ASTN2: variants seen among roughly 807,000 people sequenced by gnomAD.
ASTN2 encodes the protein astrotactin 2.
ASTN2 carries 54 observed loss-of-function variants against 139.8 expected under a neutral mutation model. The ratio of observed to expected loss-of-function variants is 0.39; its 90% CI spans 0.31 to 0.48. ASTN2 has a LOEUF of 0.48. ASTN2 is among the 20% of genes least tolerant of loss of function. The probability of loss-of-function intolerance (pLI) is 0.95; values close to 1 mark genes in which losing one functional copy is unlikely to be tolerated. For missense variants in ASTN2, 1,565 were observed against 1,725.1 expected, an observed-to-expected ratio of 0.91 and a Z score of 1.64; for synonymous variants, 756 against 719.5, an observed-to-expected ratio of 1.05 and a Z score of -0.81.
At chr9:116,887,091 A>T (rs986371805) in intron 10 of ASTN2, among the ~76,000 whole-genome samples, 3 of 152,282 alleles carry the variant, frequency 2.0e-5, no homozygotes, top group Non-Finnish European at 4.4e-5. Context: ...TATTGTGAAT[A>T]ATGTGCTAAG....
intron 7 of ASTN2, among the ~76,000 whole-genome samples, chr9:116,993,876 A>ATATTTTTTT (rs1030120382): frequency 4.2e-5 from 6 of 142,058 alleles, no homozygotes; most frequent in African/African-American, 1.5e-4. Flanking sequence ...ATATATATAT[A>ATATTTTTTT]TTTTAACTAT....
At chr9:116,464,451 G>A (rs12057009) in intron 20 of ASTN2, among the ~76,000 whole-genome samples, 5,304 of 152,184 alleles carry the variant, frequency 0.035, 318 homozygotes, top group South Asian at 0.21. Context: ...TGTTACTAGT[G>A]TCCTGGAATC....
chr9:116,720,890 G>T (rs568690246), intron 16 of ASTN2, among the ~76,000 whole-genome samples: 1 of 152,182 alleles, frequency 6.6e-6, no homozygotes, highest in East Asian at 1.9e-4. Flanking sequence ...ACTCACTGAG[G>T]CCCCTCCCAA....
intron 3 of ASTN2, among the ~76,000 whole-genome samples, chr9:117,151,791 A>G (rs1830331791): frequency 6.6e-6 from 1 of 152,150 alleles, no homozygotes; most frequent in Non-Finnish European, 1.5e-5. Flanking sequence ...TGTTACCAAG[A>G]GAATTCATCT....
At chr9:116,895,768 G>A (rs1833865470) in intron 10 of ASTN2, among the ~76,000 whole-genome samples, 1 of 152,122 alleles carries the variant, frequency 6.6e-6, no homozygotes, top group South Asian at 2.1e-4. Context: ...AGCAGAGGGA[G>A]GAGAAACATA....
At chr9:117,332,072 A>G (rs1828728344) in intron 1 of ASTN2, among the ~76,000 whole-genome samples, 1 of 152,144 alleles carries the variant, frequency 6.6e-6, no homozygotes, top group African/African-American at 2.4e-5. Flanking sequence ...GCTCCCCACC[A>G]CCAAGGAAAT....
chr9:117,093,746 C>G (rs758576239), intron 5 of ASTN2, among the ~76,000 whole-genome samples: 1 of 152,210 alleles, frequency 6.6e-6, no homozygotes, highest in Non-Finnish European at 1.5e-5. Context: ...CAAATTCACT[C>G]TCTGTATTCA....
At chr9:117,051,914 T>A (rs947027308) in intron 5 of ASTN2, among the ~76,000 whole-genome samples, 4 of 151,858 alleles carry the variant, frequency 2.6e-5, no homozygotes, top group African/African-American at 9.7e-5. Flanking sequence ...AACCAATACC[T>A]CCTGGAAAAA....
At chr9:116,769,196 C>A (rs1468842736) in intron 13 of ASTN2, among the ~76,000 whole-genome samples, 2 of 152,162 alleles carry the variant, frequency 1.3e-5, no homozygotes, top group Non-Finnish European at 2.9e-5. Context: ...GTGTACTATA[C>A]AGAGAAGTCA....
chr9:117,245,057 G>A (rs1052175227), intron 2 of ASTN2, among the ~76,000 whole-genome samples: 7 of 151,984 alleles, frequency 4.6e-5, no homozygotes, highest in African/African-American at 1.4e-4. Context: ...GTAGAAGGTG[G>A]CTAAAGCATT....
intron 10 of ASTN2, among the ~76,000 whole-genome samples, chr9:116,905,785 G>A (rs567676738): frequency 7.0e-6 from 1 of 142,562 alleles, no homozygotes; most frequent in African/African-American, 2.6e-5. Context: ...CTTAAGGGTA[G>A]ACCTCCAATA....
intron 1 of ASTN2, among the ~76,000 whole-genome samples, chr9:117,320,855 T>G (rs184946904): frequency 3.3e-5 from 5 of 152,290 alleles, no homozygotes; most frequent in Middle Eastern, 3.4e-3. Context: ...GATTTCCACT[T>G]TGCATCCCAG....
intron 8 of ASTN2, among the ~76,000 whole-genome samples, chr9:116,976,417 T>C (rs1464547455): frequency 2.6e-5 from 4 of 152,252 alleles, no homozygotes; most frequent in African/African-American, 9.6e-5. Context: ...GTTCTTCTTT[T>C]CTTTGGCAGT....
Position 117,151,896 on chromosome 9 carries a change from T to C in ASTN2, c.1016-10418A>G, listed in dbSNP as rs551675091. 4.6e-5 allele frequency among the ~76,000 whole-genome samples: 7 copies of C among 152,284 alleles called. No homozygotes were observed. In the South Asian group the frequency reaches 1.5e-3, roughly 32 times the overall value. On this transcript the variant is annotated intron_variant, in intron 3 of 22. Coordinates refer to ENST00000313400, the MANE Select transcript of ASTN2 (RefSeq NM_001365068.1). ...ATTCCACTTCTTTTCATAGCCCTAC[T>C]GCCTGGCCCCACTCTCCTTTCTGAC... is the stretch of plus-strand genomic sequence containing the variant.
intron 17 of ASTN2, among the ~76,000 whole-genome samples, chr9:116,636,241 A>G (rs1857068264): frequency 6.6e-6 from 1 of 152,230 alleles, no homozygotes; most frequent in Non-Finnish European, 1.5e-5. Context: ...GGCACTAAAT[A>G]TAGAAGCTAT....
At chr9:116,565,388 C>CTCTCTATAT (rs1564120372) in intron 19 of ASTN2, among the ~76,000 whole-genome samples, 1 of 34,018 alleles carries the variant, frequency 2.9e-5, no homozygotes, top group Non-Finnish European at 4.8e-5. Context: ...TCTCTCTCTC[C>CTCTCTATAT]ATATATATAT....
Position 116,505,834 on chromosome 9 carries a change from G to T in ASTN2, c.3356-18334C>A, listed in dbSNP as rs140664003. On this transcript the variant is annotated intron_variant, in intron 19 of 22. Coordinates refer to ENST00000313400, the MANE Select transcript of ASTN2 (RefSeq NM_001365068.1). ...CCTTGGTGCTCCTGAGGATGCTCCA[G>T]GGGCTTTGCTATTGCTACATCCTCA... Among the ~76,000 whole-genome samples, 20 of 152,180 alleles carry T rather than the reference G, an allele frequency of 1.3e-4. No individual in the cohort carries two copies. In the South Asian group the frequency reaches 2.1e-3, roughly 16 times the overall value.
At chr9:116,450,572 C>T (rs1848143709) in intron 20 of ASTN2, among the ~76,000 whole-genome samples, 1 of 152,152 alleles carries the variant, frequency 6.6e-6, no homozygotes, top group Admixed American at 6.5e-5. Flanking sequence ...CTCTCACTTT[C>T]CCAGCCTGGG....
At position 117,311,802 on chromosome 9, in the gene ASTN2, C is replaced by G. The variant is rs28676825; in HGVS notation, c.443-20289G>C. On this transcript the variant is annotated intron_variant, in intron 1 of 22. Transcript: ENST00000313400. Reference sequence around the variant, plus strand: ...CCTGCCTAGAATAGTACGTGGCCCACAGTAGATGCTCATGAATGTTCGTGA... The same window carrying G: ...CCTGCCTAGAATAGTACGTGGCCCAGAGTAGATGCTCATGAATGTTCGTGA... 6.6e-5 allele frequency among the ~76,000 whole-genome samples: 10 copies of G among 152,208 alleles called. No individual in the cohort carries two copies. The East Asian group carries it at 1.7e-3, about 26-fold the overall frequency.
Sources: allele counts gnomAD v4.1 joint callset (sites outside exome capture counted in the v4.1 genomes callset), GRCh38; gene constraint gnomAD v4.1.1; transcripts MANE v1.5; gene names NCBI Gene and HGNC (gene_info 2026-07-23, HGNC 2026-07-21).